COL4A6: variants seen among roughly 807,000 people sequenced by gnomAD.
COL4A6 encodes the protein collagen type IV alpha 6 chain, also known as collagen alpha-6(IV) chain.
COL4A6 carries 59 observed loss-of-function variants against 126.7 expected under a neutral mutation model. The ratio of observed to expected loss-of-function variants is 0.47; its 90% CI spans 0.38 to 0.58. The LOEUF (loss-of-function observed/expected upper bound fraction) is 0.58, where lower values mean the gene tolerates loss of function less well. Among genes scored for constraint, COL4A6 ranks in the 20% least tolerant of loss-of-function variants. The pLI is 0.00. For synonymous variants in COL4A6, 547 were observed against 496.6 expected, an observed-to-expected ratio of 1.10 and a Z score of -1.35; for missense variants, 1,285 against 1,337.3, an observed-to-expected ratio of 0.96 and a Z score of 0.61.
At chrX:108,162,867 C>T in intron 41 of COL4A6, 25 bp downstream of exon 41, 1 of 1,129,266 alleles carries the variant, frequency 8.9e-7, no homozygotes, top group Middle Eastern at 2.5e-4. Flanking sequence ...CCCAACAAAT[C>T]TCCTTTTTCT....
intron 13 of COL4A6, among the ~76,000 whole-genome samples, chrX:108,200,542 A>C (rs1322491937): frequency 8.9e-6 from 1 of 111,991 alleles, no homozygotes; most frequent in Non-Finnish European, 1.9e-5. Flanking sequence ...AAACTAAAAA[A>C]ATTTATCTCA....
At chrX:108,303,389 A>T (rs965697249) in intron 3 of COL4A6, among the ~76,000 whole-genome samples, 1 of 111,578 alleles carries the variant, frequency 9.0e-6, no homozygotes, top group Non-Finnish European at 1.9e-5. Context: ...GAGGGGGTAG[A>T]CTAGGAGGAG....
Position 108,211,968 on chromosome X carries a change from G to A in COL4A6, c.442-228C>T, listed in dbSNP as rs1172376384. Among the ~76,000 whole-genome samples, 37 of 111,160 alleles carry A rather than the reference G, an allele frequency of 3.3e-4. No individual in the cohort carries two copies. In the Admixed American group the frequency reaches 3.5e-3, roughly 10 times the overall value. ...AGCCAGAAGTCTGTAAAGGGAAAGGGTTTGAATGGGTCTGAAATGTGTTAA... is the reference window on the plus strand; with the variant it reads ...AGCCAGAAGTCTGTAAAGGGAAAGGATTTGAATGGGTCTGAAATGTGTTAA... On this transcript the variant is annotated intron_variant, in intron 6 of 44. Transcript: ENST00000334504.
At chrX:108,199,685 A>G (rs1209962720) in intron 13 of COL4A6, among the ~76,000 whole-genome samples, 1 of 111,682 alleles carries the variant, frequency 9.0e-6, no homozygotes, top group Non-Finnish European at 1.9e-5. Flanking sequence ...ACAGGACAAA[A>G]GGGAATGGGT....
chrX:108,298,521 G>A (rs1603039439), intron 3 of COL4A6, among the ~76,000 whole-genome samples: 2 of 111,729 alleles, frequency 1.8e-5, no homozygotes, highest in Middle Eastern at 9.3e-3. Context: ...GTGGGTGATG[G>A]CGCTGCAGGG....
chrX:108,248,697 C>T (rs969010255), intron 3 of COL4A6, among the ~76,000 whole-genome samples: 2 of 110,809 alleles, frequency 1.8e-5, no homozygotes, highest in African/African-American at 6.6e-5. Context: ...GAAGACATAA[C>T]CTCTATAGCA....
chrX:108,373,744 T>G (rs952037196), intron 2 of COL4A6, among the ~76,000 whole-genome samples: 1 of 112,047 alleles, frequency 8.9e-6, no homozygotes, highest in Non-Finnish European at 1.9e-5. Context: ...TTAAGCCCAC[T>G]TCAGTGCTCA....
chrX:108,371,856 G>GAAAAAA (rs34557947), intron 2 of COL4A6, among the ~76,000 whole-genome samples: 1 of 50,615 alleles, frequency 2.0e-5, no homozygotes, highest in Non-Finnish European at 3.6e-5. Context: ...CAATATGAAG[G>GAAAAAA]AAAAAAAAAA....
intron 3 of COL4A6, among the ~76,000 whole-genome samples, chrX:108,298,524 C>T (rs2038391754): frequency 9.0e-6 from 1 of 111,607 alleles, no homozygotes; most frequent in Non-Finnish European, 1.9e-5. Context: ...GGTGATGGCG[C>T]TGCAGGGATG....
At chrX:108,390,656 C>T (rs1335835051) in intron 2 of COL4A6, among the ~76,000 whole-genome samples, 1 of 110,111 alleles carries the variant, frequency 9.1e-6, no homozygotes, top group African/African-American at 3.3e-5. Flanking sequence ...TTCTTAGCTT[C>T]CTTGCATTGG....
At position 108,202,916 on chromosome X, in the gene COL4A6, A is replaced by G; in HGVS notation, c.834+12T>C. The G allele has an allele frequency of 8.3e-7, 1 of 1,201,963 alleles. No homozygotes were observed. Among genetic ancestry groups the G allele is most frequent in the Non-Finnish European group, 1.1e-6 (1 of 886,654 alleles). On this transcript the variant is annotated intron_variant, in intron 13 of 44. Coordinates refer to ENST00000334504, the MANE Select transcript of COL4A6 (RefSeq NM_033641.4). ...ACCCTTGTATACATATTGATCAAAT[A>G]GAGAGACTTACCGGGAAGCCTGGAG...
At position 108,160,414 on chromosome X, in the gene COL4A6, T is replaced by G. The variant is rs775879967; in HGVS notation, c.4525+49A>C. 62 of 1,123,037 alleles carry G rather than the reference T, an allele frequency of 5.5e-5. 1 individual carries two copies. The highest frequency in any genetic ancestry group is 7.0e-5 in the Non-Finnish European group (59 of 837,228). The allele number at this position is 1,123,037 out of a possible 1,213,427, so 92.6% of individuals were successfully genotyped here. On this transcript the variant is annotated intron_variant, in intron 43 of 44. Coordinates refer to ENST00000334504, the MANE Select transcript of COL4A6 (RefSeq NM_033641.4). The stretch of plus-strand genomic sequence containing the variant: ...GGAGAAGAGAGGGGTTGGCTGTTGG[T>G]GTTTGTGGGGACAGGTGACCAGGGC...
At chrX:108,311,629 TCTC>T (rs2038763194) in intron 2 of COL4A6, among the ~76,000 whole-genome samples, 1 of 111,819 alleles carries the variant, frequency 8.9e-6, no homozygotes, top group African/African-American at 3.3e-5. Context: ...GCAATGTTCT[TCTC>T]CTAGATATTT....
At chrX:108,355,564 A>G in intron 2 of COL4A6, among the ~76,000 whole-genome samples, 1 of 112,263 alleles carries the variant, frequency 8.9e-6, no homozygotes, top group South Asian at 3.7e-4. Context: ...CATAAATAAA[A>G]AACTAGATAA....
intron 3 of COL4A6, among the ~76,000 whole-genome samples, chrX:108,238,038 CTAT>C (rs2148311375): frequency 9.3e-5 from 1 of 10,742 alleles, no homozygotes; most frequent in South Asian, 5.2e-3. Flanking sequence ...CTCTCTATAT[CTAT>C]CTATCTATCT....
At chrX:108,279,254 C>T (rs909181806) in intron 3 of COL4A6, among the ~76,000 whole-genome samples, 15 of 110,900 alleles carry the variant, frequency 1.4e-4, no homozygotes, top group African/African-American at 2.6e-4. Flanking sequence ...ACCCATCTCA[C>T]GTGCAGAGAC....
chrX:108,192,377 A>T, intron 18 of COL4A6, 96 bp downstream of exon 18: 1 of 563,051 alleles, frequency 1.8e-6, no homozygotes, highest in Non-Finnish European at 2.9e-6. Flanking sequence ...GACTTTGGCT[A>T]GGTGTGTGCC....
At chrX:108,343,159 A>AGTGTGTG (rs765105305) in intron 2 of COL4A6, among the ~76,000 whole-genome samples, 9 of 68,932 alleles carry the variant, frequency 1.3e-4, no homozygotes, top group African/African-American at 4.5e-4. Context: ...ATATATATAT[A>AGTGTGTG]TATATAGTGT....
chrX:108,406,163 G>T (rs1425227390), intron 2 of COL4A6, among the ~76,000 whole-genome samples: 1 of 111,132 alleles, frequency 9.0e-6, no homozygotes, highest in East Asian at 2.8e-4. Flanking sequence ...TAGAGAAGAG[G>T]TCTCACTATG....
Sources: gnomAD v4.1 joint callset for allele counts (sites outside exome capture counted in the v4.1 genomes callset) on GRCh38, gnomAD v4.1.1 for gene constraint, MANE v1.5 for transcripts, NCBI Gene and HGNC (gene_info 2026-07-23, HGNC 2026-07-21) for gene names.